Variants in GABRG3 observed in about 807,000 individuals in gnomAD.
GABRG3 encodes the protein gamma-aminobutyric acid type A receptor subunit gamma3.
GABRG3 carries 25 observed loss-of-function variants against 48.8 expected under a neutral mutation model. The observed-to-expected ratio is 0.51, with a 90% CI of 0.37 to 0.72. The LOEUF (loss-of-function observed/expected upper bound fraction) is 0.72, where lower values mean the gene tolerates loss of function less well. Among genes scored for constraint, GABRG3 ranks in the 30% least tolerant of loss-of-function variants. GABRG3 has a pLI of 0.00. For missense variants in GABRG3, 394 were observed against 577.9 expected, an observed-to-expected ratio of 0.68 and a Z score of 3.26; for synonymous variants, 227 against 217.6, an observed-to-expected ratio of 1.04 and a Z score of -0.38.
intron 3 of GABRG3, among the ~76,000 whole-genome samples, chr15:27,073,062 C>A (rs868700416): frequency 6.6e-6 from 1 of 152,208 alleles, no homozygotes; most frequent in African/African-American, 2.4e-5. Flanking sequence ...GTCCCGGATA[C>A]CTGAGCAGTC....
chr15:27,234,385 A>AT, intron 3 of GABRG3, among the ~76,000 whole-genome samples: 1 of 152,284 alleles, frequency 6.6e-6, no homozygotes, highest in South Asian at 2.1e-4. Context: ...TTGGAGGTAC[A>AT]TTTAGAGTCT....
At chr15:27,426,314 G>T (rs773110731) in intron 5 of GABRG3, among the ~76,000 whole-genome samples, 14 of 152,128 alleles carry the variant, frequency 9.2e-5, no homozygotes, top group Non-Finnish European at 1.9e-4. Context: ...GCTTGTCTGG[G>T]TTTGCCCACA....
intron 3 of GABRG3, 150 bp downstream of exon 3, chr15:27,026,971 GGT>G (rs1895995931): frequency 2.3e-6 from 1 of 438,498 alleles, no homozygotes; most frequent in Admixed American, 5.3e-5. Context: ...TATTGAAAAT[GGT>G]AAAAAAAAAA....
chr15:27,216,577 G>A (rs548689989), intron 3 of GABRG3, among the ~76,000 whole-genome samples: 31 of 152,078 alleles, frequency 2.0e-4, no homozygotes, highest in Non-Finnish European at 3.7e-4. Flanking sequence ...CAAATCCACC[G>A]CACATTTCTG....
intron 3 of GABRG3, among the ~76,000 whole-genome samples, chr15:27,121,460 T>G (rs1432772461): frequency 6.6e-6 from 1 of 152,210 alleles, no homozygotes; most frequent in Non-Finnish European, 1.5e-5. Flanking sequence ...AGATGGCACC[T>G]AAGTTATTCA....
At chr15:27,345,968 A>T (rs949106917) in intron 5 of GABRG3, among the ~76,000 whole-genome samples, 2 of 151,242 alleles carry the variant, frequency 1.3e-5, no homozygotes, top group African/African-American at 2.4e-5. Context: ...CACAAGAATC[A>T]CTTGGAACCC....
chr15:27,156,039 C>A (rs1898414949), intron 3 of GABRG3, among the ~76,000 whole-genome samples: 1 of 152,024 alleles, frequency 6.6e-6, no homozygotes, highest in African/African-American at 2.4e-5. Flanking sequence ...GTGGCTCATG[C>A]CTGTGATCCC....
At chr15:27,222,726 A>G (rs1387701626) in intron 3 of GABRG3, among the ~76,000 whole-genome samples, 3 of 152,182 alleles carry the variant, frequency 2.0e-5, no homozygotes, top group African/African-American at 7.2e-5. Flanking sequence ...GATGCTCTAC[A>G]TGACTCATTA....
intron 3 of GABRG3, among the ~76,000 whole-genome samples, chr15:27,308,285 G>A (rs905487391): frequency 1.6e-5 from 2 of 125,686 alleles, no homozygotes; most frequent in African/African-American, 6.6e-5. Flanking sequence ...ATAAACATAC[G>A]TTTATATATA....
chr15:27,360,865 G>A (rs775693524), intron 5 of GABRG3, among the ~76,000 whole-genome samples: 1 of 152,334 alleles, frequency 6.6e-6, no homozygotes, highest in Non-Finnish European at 1.5e-5. Flanking sequence ...CTCTCTGACG[G>A]CACTGTCTGG....
chr15:27,470,993 A>T (rs955137860), intron 5 of GABRG3, among the ~76,000 whole-genome samples: 5 of 152,044 alleles, frequency 3.3e-5, no homozygotes, highest in African/African-American at 1.2e-4. Context: ...TGCATCCCAG[A>T]TAGAGGTGAT....
At chr15:27,326,583 G>T (rs535426931) in intron 3 of GABRG3, among the ~76,000 whole-genome samples, 1 of 152,226 alleles carries the variant, frequency 6.6e-6, no homozygotes, top group Non-Finnish European at 1.5e-5. Flanking sequence ...TATATTTATT[G>T]GAACTTAAGA....
intron 3 of GABRG3, among the ~76,000 whole-genome samples, chr15:27,264,086 G>A (rs1424402476): frequency 6.6e-6 from 1 of 152,104 alleles, no homozygotes; most frequent in African/African-American, 2.4e-5. Flanking sequence ...GGGCACAGAG[G>A]AGAGGGCAGG....
At chr15:27,233,029 A>C (rs1889848463) in intron 3 of GABRG3, among the ~76,000 whole-genome samples, 1 of 152,308 alleles carries the variant, frequency 6.6e-6, no homozygotes, top group African/African-American at 2.4e-5. Flanking sequence ...CCCAGGCCCC[A>C]GGCACCTCCT....
intron 3 of GABRG3, among the ~76,000 whole-genome samples, chr15:27,101,759 C>T (rs963547873): frequency 4.0e-5 from 6 of 149,526 alleles, no homozygotes; most frequent in African/African-American, 7.4e-5. Flanking sequence ...TCCAATCTCT[C>T]GGCTTCCCTG....
chr15:27,025,394 A>G (rs1480820991), intron 2 of GABRG3, among the ~76,000 whole-genome samples: 1 of 152,230 alleles, frequency 6.6e-6, no homozygotes, highest in Non-Finnish European at 1.5e-5. Context: ...TAATTTGAAG[A>G]AAGATGCTAC....
At chr15:27,367,323 C>A (rs947392628) in intron 5 of GABRG3, among the ~76,000 whole-genome samples, 1 of 152,160 alleles carries the variant, frequency 6.6e-6, no homozygotes, top group Non-Finnish European at 1.5e-5. Context: ...GGCCAACACA[C>A]CTCTTGACCT....
chr15:27,520,113 G>C lies in GABRG3; in HGVS notation c.854G>C (p.Arg285Thr). Residue 285 changes from arginine to threonine, a missense_variant, in exon 7 of 10, where the codon AGA becomes ACA. Arg to Thr is a moderately conservative substitution (Grantham distance 71). Coordinates refer to ENST00000615808, the MANE Select transcript of GABRG3 (RefSeq NM_033223.5). ...ATCAAAAAAGATGCTACGCCAGCAAGAACAGCATTAGGTGAGTTTCAAAAA... is the reference window on the plus strand; with the variant it reads ...ATCAAAAAAGATGCTACGCCAGCAACAACAGCATTAGGTGAGTTTCAAAAA... ...FWIKKDATPA[R>T]TALGITTVLT... 6.2e-7 allele frequency: 1 copy of C among 1,602,370 alleles called. No homozygotes were observed. Among genetic ancestry groups the C allele is most frequent in the Non-Finnish European group, 8.5e-7 (1 of 1,174,470 alleles).
chr15:27,007,208 T>C (rs1202547435), intron 2 of GABRG3, among the ~76,000 whole-genome samples: 1 of 151,852 alleles, frequency 6.6e-6, no homozygotes, highest in East Asian at 1.9e-4. Context: ...GCCTCTTGAG[T>C]AGTTGGGACC....
Sources: allele counts gnomAD v4.1 joint callset (sites outside exome capture counted in the v4.1 genomes callset), GRCh38; gene constraint gnomAD v4.1.1; transcripts MANE v1.5; gene names NCBI Gene and HGNC (gene_info 2026-07-23, HGNC 2026-07-21).